PCDHGA5: variants seen among roughly 807,000 people sequenced by gnomAD.
The protein encoded by PCDHGA5 is protocadherin gamma subfamily A, 5.
A neutral mutation model predicts 56.7 loss-of-function variants in PCDHGA5; 36 were observed. The observed-to-expected ratio is 0.64, with a 90% CI of 0.49 to 0.84. The LOEUF is 0.84. PCDHGA5 is among the 40% of genes least tolerant of loss of function. PCDHGA5 has a pLI of 0.00. For missense variants in PCDHGA5, 1,305 were observed against 1,201.5 expected (o/e 1.09, Z -1.27); for synonymous variants, 563 against 520.2 (o/e 1.08, Z -1.12).
chr5:141,388,395 C>G (rs1445370262), intron 1 of PCDHGA5: 2 of 1,613,810 alleles, frequency 1.2e-6, no homozygotes, highest in Non-Finnish European at 8.5e-7. Flanking sequence ...GCAGAATTAC[C>G]AACTCAGTCC....
At chr5:141,389,445 G>A (rs749321526) in intron 1 of PCDHGA5, 7 of 1,610,526 alleles carry the variant, frequency 4.3e-6, no homozygotes, top group Non-Finnish European at 5.1e-6. Context: ...CTTCGACCAC[G>A]AGCAGCTGCG....
chr5:141,391,899 T>G (rs1283624057), intron 1 of PCDHGA5: 2 of 152,212 alleles, frequency 1.3e-5, no homozygotes, highest in Non-Finnish European at 2.9e-5. Flanking sequence ...GGATGGAGCT[T>G]TGCTTTTTAT....
At chr5:141,418,381 T>C in intron 1 of PCDHGA5, 3 of 1,613,998 alleles carry the variant, frequency 1.9e-6, no homozygotes, top group Non-Finnish European at 2.5e-6. Flanking sequence ...AACTAAGTCC[T>C]AACGAGTATT....
At chr5:141,384,310 A>T in intron 1 of PCDHGA5, 2 of 1,613,676 alleles carry the variant, frequency 1.2e-6, no homozygotes, top group East Asian at 4.5e-5. Flanking sequence ...AGGGGCCTCC[A>T]TTTTCTTAGT....
rs1001412632 is a variant in PCDHGA5, at chr5:141,493,097, A to G, written c.2422-1710A>G. On this transcript the variant is annotated intron_variant, in intron 1 of 3. Transcript: ENST00000518069. The surrounding 1 kb of genome is among the most constrained non-coding windows in gnomAD (Gnocchi z 4.3). ...AACTCCAGGAGCTTTTATTCAAAAT[A>G]TATCAATGCCTAACTCTGCTCCTAG... Among the ~76,000 whole-genome samples, 1 of 152,224 alleles carries G rather than the reference A, an allele frequency of 6.6e-6. No homozygotes were observed. The highest frequency in any genetic ancestry group is 2.4e-5 in the African/African-American group (1 of 41,456).
chr5:141,423,170 A>G, intron 1 of PCDHGA5: 8 of 1,613,504 alleles, frequency 5.0e-6, no homozygotes, highest in Non-Finnish European at 6.8e-6. Context: ...GTGGCCGTCC[A>G]GGACCACGGC....
chr5:141,392,931 G>T, intron 1 of PCDHGA5: 1 of 1,613,920 alleles, frequency 6.2e-7, no homozygotes, highest in Non-Finnish European at 8.5e-7. Context: ...AGAAGAGACG[G>T]ACAAAGGCTC....
At chr5:141,494,638 A>G (rs2099755799) in intron 1 of PCDHGA5, 169 bp from the exon 2 acceptor site, 1 of 896,388 alleles carries the variant, frequency 1.1e-6, no homozygotes, top group African/African-American at 1.8e-5. Context: ...GACCTCTGAG[A>G]CCTGAGGTGT....
chr5:141,442,232 T>A (rs1303447766), intron 1 of PCDHGA5: 2 of 153,276 alleles, frequency 1.3e-5, no homozygotes, highest in Non-Finnish European at 2.9e-5. Context: ...TTCCTTTTTA[T>A]TCTTCCTGAT....
At chr5:141,458,519 T>C (rs974750749) in intron 1 of PCDHGA5, among the ~76,000 whole-genome samples, 1 of 152,110 alleles carries the variant, frequency 6.6e-6, no homozygotes, top group Non-Finnish European at 1.5e-5. Context: ...CTTTGTTTTT[T>C]TTTTTAACTT....
intron 1 of PCDHGA5, chr5:141,376,465 T>A: frequency 1.9e-6 from 3 of 1,614,178 alleles, no homozygotes; most frequent in East Asian, 2.2e-5. Flanking sequence ...TTCTGATAAC[T>A]CAGGATTTAC....
rs779265335 is a variant in PCDHGA5, at chr5:141,365,735, GTC to G, written c.1409_1410del (p.Ser470TyrfsTer8). ...TSVTENNPRGVSIFSVTAHDP... is the reference protein window; with the variant it reads ...TSVTENNPRGXSIFSVTAHDP... ...TGTCACAGAAAACAATCCCAGAGGT[GTC>G]TCTATCTTCTCTGTGACAGCCCATG... On this transcript the variant is annotated frameshift_variant, in exon 1 of 4. Transcript: ENST00000518069. LOFTEE classifies it high-confidence loss of function. 3.2e-4 allele frequency: 509 copies of G among 1,613,626 alleles called. No individual in the cohort carries two copies. Among genetic ancestry groups the G allele is most frequent in the Non-Finnish European group, 3.1e-4 (371 of 1,179,894 alleles).
chr5:141,405,407 C>G, intron 1 of PCDHGA5: 2 of 1,582,052 alleles, frequency 1.3e-6, no homozygotes, highest in Non-Finnish European at 1.7e-6. Flanking sequence ...TCTTTCTTTT[C>G]TTTTTTTGTT....
chr5:141,371,018 C>T (rs750315441), intron 1 of PCDHGA5: 17 of 1,613,876 alleles, frequency 1.1e-5, no homozygotes, highest in Non-Finnish European at 1.3e-5. Flanking sequence ...AGCCACATCA[C>T]CACCTGGTCC....
intron 3 of PCDHGA5, 61 bp downstream of exon 3, chr5:141,505,542 A>C: frequency 2.6e-5 from 42 of 1,604,950 alleles, no homozygotes; most frequent in Non-Finnish European, 3.2e-5. Flanking sequence ...GGTGCATCTC[A>C]CAGCCACCAT....
chr5:141,486,012 A>C lies in PCDHGA5; in HGVS notation c.2422-8795A>C. The C allele has an allele frequency of 1.9e-6, 3 of 1,614,064 alleles. No homozygotes were observed. The highest frequency in any genetic ancestry group is 2.5e-6 in the Non-Finnish European group (3 of 1,179,984). On this transcript the variant is annotated intron_variant, in intron 1 of 3. Coordinates refer to ENST00000518069, the MANE Select transcript of PCDHGA5 (RefSeq NM_018918.3). The surrounding 1 kb of genome is among the most constrained non-coding windows in gnomAD (Gnocchi z 5.0). ...GGTCCCAGTGGTAACGTCACCTTTT[A>C]TTTCAGTGGTCATACCCCTGATCGT...
chr5:141,398,563 G>A lies in PCDHGA5; in HGVS notation c.2421+31812G>A, dbSNP rs375890903. The A allele has an allele frequency of 2.4e-5, 39 of 1,613,842 alleles. No individual in the cohort carries two copies. The African/African-American group carries it at 3.2e-4, about 13-fold the overall frequency. On this transcript the variant is annotated intron_variant, in intron 1 of 3. Coordinates refer to ENST00000518069, the MANE Select transcript of PCDHGA5 (RefSeq NM_018918.3). Reference sequence around the variant, plus strand: ...CTTTGAGCTGCAAATAAGTGAGTCTGCACAGCCTGGCACAAGATTTATACT... The same window carrying A: ...CTTTGAGCTGCAAATAAGTGAGTCTACACAGCCTGGCACAAGATTTATACT...
chr5:141,488,846 C>T (rs1359759383), intron 1 of PCDHGA5, among the ~76,000 whole-genome samples: 1 of 152,174 alleles, frequency 6.6e-6, no homozygotes, highest in African/African-American at 2.4e-5. Flanking sequence ...GCTGAATCAA[C>T]CTGCAGCACG....
intron 1 of PCDHGA5, among the ~76,000 whole-genome samples, chr5:141,475,364 G>C (rs2099362607): frequency 6.6e-6 from 1 of 152,200 alleles, no homozygotes; most frequent in Admixed American, 6.5e-5. Flanking sequence ...AATAAAATCT[G>C]AATTGTACTT....
Sources: gnomAD v4.1 joint callset for allele counts (sites outside exome capture counted in the v4.1 genomes callset) on GRCh38, gnomAD v4.1.1 for gene constraint, Gnocchi (gnomAD v3.1) non-coding constraint, MANE v1.5 for transcripts, NCBI Gene and HGNC (gene_info 2026-07-23, HGNC 2026-07-21) for gene names.